ATG5: variants seen among roughly 807,000 people sequenced by gnomAD.
ATG5 encodes autophagy related 5.
ATG5 carries 14 observed loss-of-function variants against 36.5 expected under a neutral mutation model. The observed-to-expected ratio is 0.38, with a 90% CI of 0.25 to 0.60. ATG5 has a LOEUF of 0.60. Ranked by LOEUF, ATG5 falls within the 20% of genes least tolerant of loss-of-function variation. ATG5 has a pLI of 0.60. For synonymous variants in ATG5, 95 were observed against 101.5 expected, an observed-to-expected ratio of 0.94 and a Z score of 0.38; for missense variants, 195 against 326.7, an observed-to-expected ratio of 0.60 and a Z score of 3.11.
At chr6:106,312,987 T>C (rs560996602) in intron 2 of ATG5, among the ~76,000 whole-genome samples, 16 of 152,282 alleles carry the variant, frequency 1.1e-4, no homozygotes, top group African/African-American at 3.9e-4. Flanking sequence ...AACAGAAGGT[T>C]GTTGTTTCAG....
At chr6:106,323,259 C>A (rs1203603652) in intron 1 of ATG5, among the ~76,000 whole-genome samples, 1 of 97,686 alleles carries the variant, frequency 1.0e-5, no homozygotes, top group East Asian at 2.3e-4. Context: ...GTGGAAAAGT[C>A]CTTTTTTTTT....
intron 5 of ATG5, among the ~76,000 whole-genome samples, chr6:106,275,913 G>A (rs899634257): frequency 2.0e-5 from 3 of 152,328 alleles, no homozygotes; most frequent in Admixed American, 1.3e-4. Flanking sequence ...CTCTGCTACC[G>A]AAAGTAGCCA....
At chr6:106,208,888 A>G (rs1235055987) in intron 6 of ATG5, among the ~76,000 whole-genome samples, 1 of 152,256 alleles carries the variant, frequency 6.6e-6, no homozygotes, top group East Asian at 1.9e-4. Flanking sequence ...ACATTTTACC[A>G]AAGAGAATAT....
At chr6:106,200,626 C>A (rs1345554504) in intron 7 of ATG5, among the ~76,000 whole-genome samples, 1 of 152,106 alleles carries the variant, frequency 6.6e-6, no homozygotes. Context: ...AGGCGCCCCG[C>A]CACCACGCCC....
chr6:106,269,354 G>A (rs1307544043), intron 5 of ATG5, among the ~76,000 whole-genome samples: 1 of 152,172 alleles, frequency 6.6e-6, no homozygotes, highest in Non-Finnish European at 1.5e-5. Context: ...AGCCCAGCTG[G>A]CTTCACCGGG....
intron 2 of ATG5, 50 bp from the exon 3 acceptor site, chr6:106,308,541 A>T (rs958208401): frequency 5.9e-6 from 8 of 1,346,630 alleles, no homozygotes; most frequent in Admixed American, 3.1e-5. Flanking sequence ...TATTATTTTT[A>T]AAAAATACTA....
intron 5 of ATG5, among the ~76,000 whole-genome samples, chr6:106,251,697 AAGAAAG>A (rs1175016930): frequency 1.1e-5 from 1 of 89,338 alleles, no homozygotes; most frequent in Non-Finnish European, 2.4e-5. Context: ...AAGACAGAAA[AAGAAAG>A]AGAAAAAGAA....
intron 6 of ATG5, among the ~76,000 whole-genome samples, chr6:106,214,380 T>C (rs1411749013): frequency 2.6e-5 from 4 of 152,050 alleles, no homozygotes; most frequent in Admixed American, 1.3e-4. Context: ...TGTAGAGAAA[T>C]AGGAGAGTTG....
At chr6:106,304,547 A>T (rs923303360) in intron 3 of ATG5, among the ~76,000 whole-genome samples, 5 of 152,166 alleles carry the variant, frequency 3.3e-5, no homozygotes, top group Non-Finnish European at 7.3e-5. Context: ...AGTCTCAAAA[A>T]CATTACTCGA....
intron 5 of ATG5, among the ~76,000 whole-genome samples, chr6:106,263,505 C>T (rs1779108683): frequency 6.6e-6 from 1 of 152,232 alleles, no homozygotes; most frequent in Admixed American, 6.5e-5. Context: ...AACACCAGCT[C>T]TGCTAAGGGA....
rs1771261737 is a variant in ATG5, at chr6:106,325,592, C to CCGGTGGGG, written c.-133_-126dup. 6.5e-6 allele frequency: 1 copy of CCGGTGGGG among 152,970 alleles called. No homozygotes were observed. 9.5% of individuals were successfully genotyped at this position (152,970 alleles called of 1,614,324 possible). A position where few individuals can be genotyped will look rare whatever the true frequency, so the allele number is the denominator to read the frequency against. The stretch of plus-strand genomic sequence containing the variant: ...GGTGGGGACGCCCAGATTCCGCGCT[C>CCGGTGGGG]CGGTGGGGCGGCGGGGCAAGCTGCC... On this transcript the variant is annotated 5_prime_UTR_variant, in exon 1 of 8. Coordinates refer to ENST00000369076, the MANE Select transcript of ATG5 (RefSeq NM_004849.4).
At chr6:106,199,938 T>C (rs1776351764) in intron 7 of ATG5, among the ~76,000 whole-genome samples, 1 of 152,190 alleles carries the variant, frequency 6.6e-6, no homozygotes. Flanking sequence ...GAAGACTTTA[T>C]AAAATGTATT....
At chr6:106,301,444 A>G (rs1163555281) in intron 3 of ATG5, among the ~76,000 whole-genome samples, 1 of 152,038 alleles carries the variant, frequency 6.6e-6, no homozygotes, top group Non-Finnish European at 1.5e-5. Flanking sequence ...TGGTAAAAAG[A>G]GCCCTGAACT....
At position 106,185,266 on chromosome 6, in the gene ATG5, T is replaced by C. The variant is rs994145924; in HGVS notation, c.*1274A>G. The C allele has an allele frequency of 3.9e-5, 6 of 152,780 alleles. No homozygotes were observed. Among genetic ancestry groups the C allele is most frequent in the Non-Finnish European group, 7.4e-5 (5 of 68,022 alleles). 9.5% of individuals were successfully genotyped at this position (152,780 alleles called of 1,614,324 possible). On this transcript the variant is annotated 3_prime_UTR_variant, in exon 8 of 8. Coordinates refer to ENST00000369076, the MANE Select transcript of ATG5 (RefSeq NM_004849.4). The stretch of plus-strand genomic sequence containing the variant: ...TGTATAATTTTTTATAAGAAAAACA[T>C]TCATTTTTATTATGGGATCTAAAAC...
chr6:106,239,430 G>C (rs1411196940), intron 6 of ATG5, among the ~76,000 whole-genome samples: 1 of 152,150 alleles, frequency 6.6e-6, no homozygotes, highest in Non-Finnish European at 1.5e-5. Context: ...GAAATTTAAT[G>C]TATTTCCATC....
At position 106,201,289 on chromosome 6, in the gene ATG5, G is replaced by A. The variant is rs888514708; in HGVS notation, c.691+683C>T. ...TTCAAGTGTATATGTGTGTGTGTGT[G>A]TGTGTGTGTGTGTGTGTCTCAACAG... On this transcript the variant is annotated intron_variant, in intron 7 of 7. Transcript: ENST00000369076. 1.2e-4 allele frequency among the ~76,000 whole-genome samples: 18 copies of A among 151,998 alleles called. No homozygotes were observed. In the East Asian group the frequency reaches 3.3e-3, roughly 28 times the overall value.
intron 3 of ATG5, among the ~76,000 whole-genome samples, chr6:106,304,666 T>C (rs192404910): frequency 2.7e-4 from 41 of 152,270 alleles, no homozygotes; most frequent in African/African-American, 7.9e-4. Flanking sequence ...TACTGTGAGT[T>C]GGGGGAAGGA....
intron 7 of ATG5, among the ~76,000 whole-genome samples, chr6:106,196,467 AAGAG>A (rs1214811575): frequency 7.2e-5 from 11 of 152,128 alleles, no homozygotes; most frequent in Non-Finnish European, 1.3e-4. Flanking sequence ...TGCAAAAATT[AAGAG>A]AGTGAACTTT....
chr6:106,196,722 CAAA>C (rs34507159), intron 7 of ATG5, among the ~76,000 whole-genome samples: 2 of 138,322 alleles, frequency 1.4e-5, no homozygotes, highest in Non-Finnish European at 3.2e-5. Context: ...GAATCAGTCT[CAAA>C]AAAAAAAAAA....
Sources: allele counts gnomAD v4.1 joint callset (sites outside exome capture counted in the v4.1 genomes callset), GRCh38; gene constraint gnomAD v4.1.1; transcripts MANE v1.5; gene names NCBI Gene and HGNC (gene_info 2026-07-23, HGNC 2026-07-21).